Variants in BNC2 observed in about 807,000 individuals in gnomAD.
The protein encoded by BNC2 is zinc finger protein basonuclin-2.
In BNC2, 20 loss-of-function variants were observed where a neutral mutation model predicts 76.3. That is an observed-to-expected ratio of 0.26 (90% CI 0.18 to 0.38). The LOEUF is 0.38. Ranked by LOEUF, BNC2 falls within the 10% of genes least tolerant of loss-of-function variation. The pLI is 1.00. For missense variants in BNC2, 1,382 were observed against 1,399.8 expected (o/e 0.99, Z 0.20); for synonymous variants, 582 against 514.8 (o/e 1.13, Z -1.77).
chr9:16,613,958 C>G (rs1457683863), intron 3 of BNC2, among the ~76,000 whole-genome samples: 1 of 152,128 alleles, frequency 6.6e-6, no homozygotes, highest in East Asian at 1.9e-4. Flanking sequence ...GGGAGATGAG[C>G]AGTACCATAT....
At position 16,417,600 on chromosome 9, in the gene BNC2, A is replaced by C. The variant is rs2118999476; in HGVS notation, c.*1389T>G. The stretch of plus-strand genomic sequence containing the variant: ...GCCTGAATTATAGTACGACTGCAGA[A>C]TTTGCAACAAATTAGACAGCCATAC... On this transcript the variant is annotated 3_prime_UTR_variant, in exon 7 of 7. Coordinates refer to ENST00000380672, the MANE Select transcript of BNC2 (RefSeq NM_017637.6). The C allele has an allele frequency of 6.6e-6, 1 of 152,534 alleles. No homozygotes were observed. The highest frequency in any genetic ancestry group is 6.5e-5 in the Admixed American group (1 of 15,304). The allele number at this position is 152,534 out of a possible 1,614,324, so 9.4% of individuals were successfully genotyped here.
chr9:16,860,529 G>A (rs533812928), intron 1 of BNC2, among the ~76,000 whole-genome samples: 18 of 152,148 alleles, frequency 1.2e-4, no homozygotes, highest in Admixed American at 5.9e-4. Flanking sequence ...ATTTACAGAA[G>A]TTAATCCAAA....
chr9:16,773,670 C>T (rs915751633), intron 1 of BNC2, among the ~76,000 whole-genome samples: 7 of 152,160 alleles, frequency 4.6e-5, no homozygotes, highest in Admixed American at 1.3e-4. Context: ...AACCTTTTTA[C>T]CAAGTCTTAA....
intron 3 of BNC2, chr9:16,665,188 G>C (rs929487932): frequency 4.9e-6 from 2 of 405,232 alleles, no homozygotes; most frequent in Admixed American, 6.3e-5. Context: ...GAAAAACAAG[G>C]TGAAATCCTG....
At chr9:16,558,693 G>A (rs1292693903) in intron 4 of BNC2, among the ~76,000 whole-genome samples, 1 of 152,192 alleles carries the variant, frequency 6.6e-6, no homozygotes, top group African/African-American at 2.4e-5. Context: ...CACTTTGGGA[G>A]GTTGAGGCGG....
chr9:16,485,111 G>GACACACACAC lies in BNC2; in HGVS notation c.670-47597_670-47588dup, dbSNP rs58432278. Among the ~76,000 whole-genome samples the GACACACACAC allele has an allele frequency of 3.1e-3, 449 of 143,662 alleles. 1 individual carries two copies. Among genetic ancestry groups the GACACACACAC allele is most frequent in the African/African-American group, 0.01 (410 of 40,508 alleles). 94.2% of individuals were successfully genotyped at this position (143,662 alleles called of 152,430 possible). ...ACACACACACACAGAGACACACACA[G>GACACACACAC]ACACACACACACACACACACTATTT... is the stretch of plus-strand genomic sequence containing the variant. On this transcript the variant is annotated intron_variant, in intron 5 of 6. Transcript: ENST00000380672.
At chr9:16,590,386 T>C (rs1178400346) in intron 3 of BNC2, among the ~76,000 whole-genome samples, 2 of 151,102 alleles carry the variant, frequency 1.3e-5, no homozygotes, top group African/African-American at 4.9e-5. Flanking sequence ...AGAGACAGGG[T>C]TTCACCATGT....
At chr9:16,452,838 A>C (rs2131090176) in intron 5 of BNC2, among the ~76,000 whole-genome samples, 1 of 152,196 alleles carries the variant, frequency 6.6e-6, no homozygotes, top group East Asian at 1.9e-4. Context: ...TGCAATTTCT[A>C]ATTTCTGTTC....
rs34855187 is a variant in BNC2 at position 16,463,294 on chromosome 9, CTTTTTTT to C, written c.670-25777_670-25771del. Among the ~76,000 whole-genome samples the C allele has an allele frequency of 1.4e-3, 152 of 105,608 alleles. 8 individuals carry two copies. Among genetic ancestry groups the C allele is most frequent in the African/African-American group, 6.2e-3 (146 of 23,528 alleles). The allele number at this position is 105,608 out of a possible 152,430, so 69.3% of individuals were successfully genotyped here. ...ACTGTGAGCATACAAGTATTAAATTCTTTTTTTTTTTTTTTTTTTTGAGACGGAGTCT... is the reference window on the plus strand; with the variant it reads ...ACTGTGAGCATACAAGTATTAAATTCTTTTTTTTTTTTTGAGACGGAGTCT... On this transcript the variant is annotated intron_variant, in intron 5 of 6. Transcript: ENST00000380672.
intron 4 of BNC2, among the ~76,000 whole-genome samples, chr9:16,555,256 C>T (rs960481040): frequency 6.6e-6 from 1 of 152,006 alleles, no homozygotes; most frequent in Non-Finnish European, 1.5e-5. Context: ...ATCTCCTGAC[C>T]TCGTGATCCA....
chr9:16,581,833 G>A (rs954806728), intron 4 of BNC2, among the ~76,000 whole-genome samples: 4 of 152,252 alleles, frequency 2.6e-5, no homozygotes, highest in Non-Finnish European at 2.9e-5. Context: ...GCAGGAAAGC[G>A]CTCTATCCCT....
At chr9:16,662,844 C>T (rs1483424133) in intron 3 of BNC2, among the ~76,000 whole-genome samples, 1 of 152,152 alleles carries the variant, frequency 6.6e-6, no homozygotes, top group Non-Finnish European at 1.5e-5. Context: ...TCTAGAAACA[C>T]CATTCTTAAA....
chr9:16,737,238 C>CTTTTTTTTTT lies in BNC2; in HGVS notation c.129+1112_129+1121dup, dbSNP rs559930240. On this transcript the variant is annotated intron_variant, in intron 2 of 6. Transcript: ENST00000380672. Reference sequence around the variant, plus strand: ...TCCCACCTCAGCCACCACACCTGGCCTTTTTTTTTTTTTTTTTTTTTTTTC... The same window carrying CTTTTTTTTTT: ...TCCCACCTCAGCCACCACACCTGGCCTTTTTTTTTTTTTTTTTTTTTTTTTTTTTTTTTTC... 3.0e-4 allele frequency among the ~76,000 whole-genome samples: 27 copies of CTTTTTTTTTT among 91,308 alleles called. 1 individual carries two copies. Among genetic ancestry groups the CTTTTTTTTTT allele is most frequent in the Admixed American group, 5.2e-4 (3 of 5,816 alleles). The allele number at this position is 91,308 out of a possible 152,430, so 59.9% of individuals were successfully genotyped here.
intron 5 of BNC2, chr9:16,476,293 G>C (rs930494867): frequency 2.0e-5 from 3 of 152,236 alleles, no homozygotes; most frequent in Non-Finnish European, 2.9e-5. Context: ...AACAGCAGCA[G>C]AGCAAAGAGG....
At chr9:16,461,326 A>G (rs1463553949) in intron 5 of BNC2, among the ~76,000 whole-genome samples, 2 of 152,160 alleles carry the variant, frequency 1.3e-5, no homozygotes, top group Non-Finnish European at 2.9e-5. Flanking sequence ...GTTTTTAATT[A>G]AAGTATGGCA....
intron 5 of BNC2, among the ~76,000 whole-genome samples, chr9:16,501,350 A>G (rs1248305696): frequency 6.6e-6 from 1 of 152,198 alleles, no homozygotes; most frequent in Non-Finnish European, 1.5e-5. Context: ...AATGAAAACC[A>G]TTCCTCAACA....
chr9:16,552,145 A>T (rs1818681775), intron 5 of BNC2, among the ~76,000 whole-genome samples: 1 of 152,170 alleles, frequency 6.6e-6, no homozygotes, highest in Admixed American at 6.5e-5. Context: ...TATGAGAAAA[A>T]GCCCTAATAA....
At chr9:16,486,982 T>G (rs1166304542) in intron 5 of BNC2, among the ~76,000 whole-genome samples, 1 of 152,312 alleles carries the variant, frequency 6.6e-6, no homozygotes, top group East Asian at 1.9e-4. Flanking sequence ...GTACCAAAAT[T>G]ACAGTTGTGA....
intron 1 of BNC2, among the ~76,000 whole-genome samples, chr9:16,753,407 T>G (rs896614512): frequency 6.6e-6 from 1 of 152,290 alleles, no homozygotes; most frequent in Middle Eastern, 3.4e-3. Context: ...AAGTCAACAT[T>G]TGGTTCAAGA....
Sources: gnomAD v4.1 joint callset for allele counts (sites outside exome capture counted in the v4.1 genomes callset) on GRCh38, gnomAD v4.1.1 for gene constraint, MANE v1.5 for transcripts, NCBI Gene and HGNC (gene_info 2026-07-23, HGNC 2026-07-21) for gene names.